FAM171A1: variants seen among roughly 807,000 people sequenced by gnomAD.
FAM171A1 encodes the protein protein FAM171A1.
In FAM171A1, 23 loss-of-function variants were observed where a neutral mutation model predicts 74.9. The ratio of observed to expected loss-of-function variants is 0.31; its 90% CI spans 0.22 to 0.44. The LOEUF is 0.44. Ranked by LOEUF, FAM171A1 falls within the 20% of genes least tolerant of loss-of-function variation. The probability of loss-of-function intolerance (pLI) is 1.00; values close to 1 mark genes in which losing one functional copy is unlikely to be tolerated. For synonymous variants in FAM171A1, 527 were observed against 505.7 expected, an observed-to-expected ratio of 1.04 and a Z score of -0.57; for missense variants, 1,162 against 1,159.2, an observed-to-expected ratio of 1.00 and a Z score of -0.03.
At chr10:15,331,486 A>T (rs573571485) in intron 1 of FAM171A1, among the ~76,000 whole-genome samples, 1 of 152,234 alleles carries the variant, frequency 6.6e-6, no homozygotes, top group South Asian at 2.1e-4. Context: ...TGTGCTGGAC[A>T]CCAAAGGCGT....
chr10:15,351,540 G>A (rs962089084), intron 1 of FAM171A1, among the ~76,000 whole-genome samples: 2 of 152,046 alleles, frequency 1.3e-5, no homozygotes, highest in Admixed American at 1.3e-4. Flanking sequence ...ACAGCATTTT[G>A]GTGGTGAAAG....
intron 1 of FAM171A1, among the ~76,000 whole-genome samples, chr10:15,345,315 G>A (rs996367254): frequency 2.6e-5 from 4 of 152,246 alleles, no homozygotes; most frequent in East Asian, 1.9e-4. Context: ...GGAAGTGTCC[G>A]GACCCTCAGT....
chr10:15,234,667 T>C (rs1345808945), intron 5 of FAM171A1, among the ~76,000 whole-genome samples: 1 of 151,738 alleles, frequency 6.6e-6, no homozygotes, highest in Non-Finnish European at 1.5e-5. Context: ...CTTTTTTTTT[T>C]TTTGAGACGG....
rs1834469404 is a variant in FAM171A1, at chr10:15,248,794, A to AG, written c.598dup (p.Leu200ProfsTer15). The AG allele has an allele frequency of 6.2e-7, 1 of 1,611,658 alleles. No individual in the cohort carries two copies. The highest frequency in any genetic ancestry group is 8.5e-7 in the Non-Finnish European group (1 of 1,178,950). On this transcript the variant is annotated frameshift_variant, in exon 5 of 8. Transcript: ENST00000378116. LOFTEE classifies it high-confidence loss of function. ...GACGCTGACGGCTGTGACTGGGGTC[A>AG]GGTCATGCCTGGTGCTGTTTCCTAG...
intron 3 of FAM171A1, among the ~76,000 whole-genome samples, chr10:15,263,893 A>ATCTG (rs1355419762): frequency 2.2e-5 from 3 of 134,432 alleles, no homozygotes; most frequent in Non-Finnish European, 3.2e-5. Flanking sequence ...CTATCTATCT[A>ATCTG]TCTATCTATC....
At chr10:15,337,818 G>A (rs575821722) in intron 1 of FAM171A1, among the ~76,000 whole-genome samples, 1 of 152,280 alleles carries the variant, frequency 6.6e-6, no homozygotes, top group East Asian at 1.9e-4. Flanking sequence ...GGGCGTGGTG[G>A]TGCATGCCTG....
chr10:15,370,346 G>C (rs1836123941), intron 1 of FAM171A1, among the ~76,000 whole-genome samples: 1 of 150,532 alleles, frequency 6.6e-6, no homozygotes, highest in Non-Finnish European at 1.5e-5. Context: ...CTTATGGTCT[G>C]GAAGAGACGT....
intron 5 of FAM171A1, among the ~76,000 whole-genome samples, chr10:15,229,430 CCAT>C (rs1363745709): frequency 3.3e-5 from 5 of 151,748 alleles, no homozygotes; most frequent in Non-Finnish European, 2.9e-5. Context: ...GTCATCACCA[CCAT>C]CATCACCATC....
At chr10:15,360,551 G>C (rs1835981472) in intron 1 of FAM171A1, among the ~76,000 whole-genome samples, 1 of 152,194 alleles carries the variant, frequency 6.6e-6, no homozygotes, top group Admixed American at 6.5e-5. Context: ...CTAGGGCTGA[G>C]CTTGTCATGA....
intron 5 of FAM171A1, among the ~76,000 whole-genome samples, chr10:15,239,884 C>T (rs1382581054): frequency 6.6e-6 from 1 of 152,200 alleles, no homozygotes; most frequent in Non-Finnish European, 1.5e-5. Context: ...ATTATACTTA[C>T]CTGCTGAACA....
intron 1 of FAM171A1, among the ~76,000 whole-genome samples, chr10:15,301,360 ATAT>A (rs1564637140): frequency 7.2e-6 from 1 of 138,042 alleles, no homozygotes; most frequent in Non-Finnish European, 1.5e-5. Flanking sequence ...ATATATATAT[ATAT>A]TTTTTTTTTT....
intron 1 of FAM171A1, 50 bp downstream of exon 1, chr10:15,370,906 G>A (rs1358364408): frequency 1.1e-6 from 1 of 905,468 alleles, no homozygotes; most frequent in East Asian, 1.1e-4. Flanking sequence ...CCGCCTCCGC[G>A]CCAGGCCCGG....
intron 3 of FAM171A1, among the ~76,000 whole-genome samples, chr10:15,255,143 T>C (rs11259580): frequency 0.22 from 33,151 of 152,184 alleles, 4,948 homozygotes; most frequent in East Asian, 0.63. Flanking sequence ...CCAAGTTCCA[T>C]GTGCAAGCAG....
chr10:15,226,955 C>G (rs111707883), intron 5 of FAM171A1, among the ~76,000 whole-genome samples: 2 of 152,292 alleles, frequency 1.3e-5, no homozygotes, highest in African/African-American at 2.4e-5. Flanking sequence ...ATAAGATACA[C>G]AGGCAGTGTG....
chr10:15,345,509 T>A (rs1835808452), intron 1 of FAM171A1, among the ~76,000 whole-genome samples: 1 of 152,106 alleles, frequency 6.6e-6, no homozygotes, highest in South Asian at 2.1e-4. Flanking sequence ...AAGAGTGACC[T>A]GTATAAAGGC....
intron 3 of FAM171A1, among the ~76,000 whole-genome samples, chr10:15,270,180 A>C (rs1834804679): frequency 6.6e-6 from 1 of 152,144 alleles, no homozygotes; most frequent in Non-Finnish European, 1.5e-5. Flanking sequence ...CTCCCACCCT[A>C]ATACTGCACT....
At chr10:15,275,427 C>T (rs1448980495) in intron 3 of FAM171A1, among the ~76,000 whole-genome samples, 3 of 151,706 alleles carry the variant, frequency 2.0e-5, no homozygotes, top group Non-Finnish European at 2.9e-5. Context: ...GATGGGATTA[C>T]AGGCATGTGC....
At position 15,275,992 on chromosome 10, in the gene FAM171A1, T is replaced by C. The variant is rs1040028210; in HGVS notation, c.326-45A>G. On this transcript the variant is annotated intron_variant, in intron 2 of 7. Transcript: ENST00000378116. ...ATAGAAGGGGATTTTAATAGTCATA[T>C]TTAAGTGCCTACTCTAATTTTTGGG... 2.9e-6 allele frequency: 4 copies of C among 1,387,654 alleles called. No individual in the cohort carries two copies. The African/African-American group carries it at 5.8e-5, about 20-fold the overall frequency. The allele number at this position is 1,387,654 out of a possible 1,614,324, so 86.0% of individuals were successfully genotyped here.
Position 15,222,392 on chromosome 10 carries a change from GC to G in FAM171A1, c.755-1333del, listed in dbSNP as rs970882152. On this transcript the variant is annotated intron_variant, in intron 5 of 7. Transcript: ENST00000378116. Reference sequence around the variant, plus strand: ...CCTGGGCCACACGGTCTAACCCATTGCTCCTAGGCTACAAACCCGTACATCG... The same window carrying G: ...CCTGGGCCACACGGTCTAACCCATTGTCCTAGGCTACAAACCCGTACATCG... Among the ~76,000 whole-genome samples the G allele has an allele frequency of 5.3e-5, 8 of 152,280 alleles. No individual in the cohort carries two copies. The South Asian group carries it at 1.4e-3, about 28-fold the overall frequency.
Sources: allele counts gnomAD v4.1 joint callset (sites outside exome capture counted in the v4.1 genomes callset), GRCh38; gene constraint gnomAD v4.1.1; transcripts MANE v1.5; gene names NCBI Gene and HGNC (gene_info 2026-07-23, HGNC 2026-07-21).